Variants in FAM227B observed in about 807,000 individuals in gnomAD.
FAM227B encodes family with sequence similarity 227 member B.
In FAM227B, 88 loss-of-function variants were observed where a neutral mutation model predicts 73.8. The observed-to-expected ratio is 1.19, with a 90% CI of 1.00 to 1.42. FAM227B has a LOEUF of 1.42. Among genes scored for constraint, FAM227B ranks in the 40% most tolerant of loss-of-function variants. The pLI is 0.00. For synonymous variants in FAM227B, 210 were observed against 190.5 expected (o/e 1.10, Z -0.84); for missense variants, 632 against 590.9 (o/e 1.07, Z -0.72).
rs553009198 is a variant in FAM227B at position 49,498,134 on chromosome 15, T to G, written c.1012+10077A>C. 3.3e-4 allele frequency among the ~76,000 whole-genome samples: 51 copies of G among 152,366 alleles called. 1 individual carries two copies. The highest frequency in any genetic ancestry group is 1.2e-3 in the African/African-American group (49 of 41,590). On this transcript the variant is annotated intron_variant, in intron 11 of 15. Transcript: ENST00000299338. ...AGTTACAATACTTATTCTACAATGA[T>G]AATTTTAAGCCTTAATTTAATTATA...
intron 9 of FAM227B, among the ~76,000 whole-genome samples, chr15:49,544,061 G>A (rs1231237395): frequency 1.3e-5 from 2 of 152,074 alleles, no homozygotes; most frequent in Non-Finnish European, 1.5e-5. Flanking sequence ...GAATTGCACT[G>A]AATTTGTAGG....
intron 10 of FAM227B, 37 bp downstream of exon 10, chr15:49,541,643 C>T: frequency 7.4e-7 from 1 of 1,357,478 alleles, no homozygotes; most frequent in South Asian, 2.4e-5. Flanking sequence ...TTTTAGAAAC[C>T]AAAACAATGA....
At chr15:49,615,931 T>C (rs1019666467) in intron 1 of FAM227B, among the ~76,000 whole-genome samples, 1 of 152,180 alleles carries the variant, frequency 6.6e-6, no homozygotes, top group African/African-American at 2.4e-5. Context: ...TTAAGGCTAT[T>C]ATGGTCTCAA....
At chr15:49,340,727 G>C (rs376251780) in intron 13 of FAM227B, among the ~76,000 whole-genome samples, 2 of 152,204 alleles carry the variant, frequency 1.3e-5, no homozygotes. Context: ...TATTGACTAC[G>C]TTGATGTTTT....
chr15:49,566,386 T>C (rs1004755798), intron 9 of FAM227B, among the ~76,000 whole-genome samples: 1 of 152,338 alleles, frequency 6.6e-6, no homozygotes, highest in East Asian at 1.9e-4. Context: ...TTTCTATGAA[T>C]ATCCTGCCTT....
chr15:49,328,411 G>T lies in FAM227B; in HGVS notation c.*157C>A. The T allele has an allele frequency of 7.0e-7, 1 of 1,431,930 alleles. No homozygotes were observed. Among genetic ancestry groups the T allele is most frequent in the Non-Finnish European group, 9.1e-7 (1 of 1,095,404 alleles). 88.7% of individuals were successfully genotyped at this position (1,431,930 alleles called of 1,614,324 possible). On this transcript the variant is annotated 3_prime_UTR_variant, in exon 16 of 16. Transcript: ENST00000299338. ...ACAGATCTTTTAAGAATAACTTACT[G>T]AGATTTATTGATTTGAAGATTTTAA...
chr15:49,547,627 A>T (rs1348614026), intron 9 of FAM227B, among the ~76,000 whole-genome samples: 1 of 152,204 alleles, frequency 6.6e-6, no homozygotes, highest in East Asian at 1.9e-4. Flanking sequence ...AGGGGTTGCA[A>T]TCCTAGTCTC....
intron 13 of FAM227B, chr15:49,366,429 T>C: frequency 1.1e-6 from 1 of 887,350 alleles, no homozygotes; most frequent in Non-Finnish European, 1.9e-6. Flanking sequence ...ACAACTGCTT[T>C]GTTCTTTATG....
At chr15:49,361,347 G>T (rs1269881481) in intron 13 of FAM227B, among the ~76,000 whole-genome samples, 1 of 151,888 alleles carries the variant, frequency 6.6e-6, no homozygotes, top group Non-Finnish European at 1.5e-5. Context: ...TCACCACTCA[G>T]GTAATAAGCA....
chr15:49,579,126 T>G (rs2075652131), intron 5 of FAM227B, among the ~76,000 whole-genome samples: 2 of 152,210 alleles, frequency 1.3e-5, no homozygotes, highest in South Asian at 4.2e-4. Context: ...TTATCCAAAT[T>G]AGAATGGCTA....
At chr15:49,374,002 T>C (rs1269402248) in intron 11 of FAM227B, among the ~76,000 whole-genome samples, 1 of 152,198 alleles carries the variant, frequency 6.6e-6, no homozygotes, top group Non-Finnish European at 1.5e-5. Flanking sequence ...ACAAATGATG[T>C]AATATTTAAC....
At chr15:49,408,326 G>A (rs985061089) in intron 11 of FAM227B, among the ~76,000 whole-genome samples, 2 of 152,102 alleles carry the variant, frequency 1.3e-5, no homozygotes, top group African/African-American at 4.8e-5. Context: ...TCCTTTGTAA[G>A]CAACTTGTGC....
intron 15 of FAM227B, chr15:49,330,843 A>G (rs1372546764): frequency 1.3e-5 from 2 of 152,090 alleles, no homozygotes; most frequent in African/African-American, 4.8e-5. Flanking sequence ...TGTCCCAGCT[A>G]CTCAGGAGGC....
In FAM227B at chr15:49,327,234, T is replaced by TCAA. The variant is rs987876260; in HGVS notation, c.*1331_*1333dup. ...CCAATCAGATATATCTCATCTGATG[T>TCAA]CAACTTCTGAGTCCAATAATCAGAC... On this transcript the variant is annotated 3_prime_UTR_variant, in exon 16 of 16. Transcript: ENST00000299338. 3 of 152,244 alleles carry TCAA rather than the reference T, an allele frequency of 2.0e-5. No individual in the cohort carries two copies. The highest frequency in any genetic ancestry group is 4.4e-5 in the Non-Finnish European group (3 of 68,046). 9.4% of individuals were successfully genotyped at this position (152,244 alleles called of 1,614,324 possible). A position where few individuals can be genotyped will look rare whatever the true frequency, so the allele number is the denominator to read the frequency against.
At chr15:49,567,469 G>A (rs1216875170) in intron 9 of FAM227B, among the ~76,000 whole-genome samples, 6 of 152,050 alleles carry the variant, frequency 3.9e-5, no homozygotes, top group African/African-American at 9.7e-5. Flanking sequence ...TTACACATGT[G>A]TTTGTGAGTA....
chr15:49,431,026 AT>A (rs977284483), intron 11 of FAM227B, among the ~76,000 whole-genome samples: 7 of 151,810 alleles, frequency 4.6e-5, no homozygotes, highest in Non-Finnish European at 1.0e-4. Flanking sequence ...GTATCACACA[AT>A]TTTTGGTAGC....
chr15:49,535,864 T>C (rs548913433), intron 10 of FAM227B, among the ~76,000 whole-genome samples: 31 of 151,852 alleles, frequency 2.0e-4, no homozygotes, highest in Admixed American at 1.3e-3. Context: ...AGTTCAACAT[T>C]CTTTTGATAA....
intron 11 of FAM227B, among the ~76,000 whole-genome samples, chr15:49,411,319 G>C (rs1453060656): frequency 6.6e-6 from 1 of 151,752 alleles, no homozygotes; most frequent in Non-Finnish European, 1.5e-5. Flanking sequence ...ATTGTTGAAA[G>C]AAAAAAAGTC....
intron 8 of FAM227B, among the ~76,000 whole-genome samples, chr15:49,569,276 T>A (rs1322818500): frequency 6.6e-6 from 1 of 151,898 alleles, no homozygotes; most frequent in Non-Finnish European, 1.5e-5. Context: ...TAATAGTCAT[T>A]CTAGCTAAAG....
Sources: gnomAD v4.1 joint callset for allele counts (sites outside exome capture counted in the v4.1 genomes callset) on GRCh38, gnomAD v4.1.1 for gene constraint, MANE v1.5 for transcripts, NCBI Gene and HGNC (gene_info 2026-07-23, HGNC 2026-07-21) for gene names.